FAT3: variants seen among roughly 807,000 people sequenced by gnomAD.
FAT3 encodes the protein protocadherin Fat 3.
Under a neutral mutation model 310.2 loss-of-function variants are expected in FAT3, and 95 were observed. That is an observed-to-expected ratio of 0.31 (90% CI 0.26 to 0.36). FAT3 has a LOEUF of 0.36. Among genes scored for constraint, FAT3 ranks in the 10% least tolerant of loss-of-function variants. The pLI, the probability that FAT3 is intolerant of heterozygous loss-of-function variation, is 1.00. For synonymous variants in FAT3, 2,314 were observed against 2,192.9 expected, an observed-to-expected ratio of 1.06 and a Z score of -1.54; for missense variants, 5,408 against 5,715.6, an observed-to-expected ratio of 0.95 and a Z score of 1.74.
chr11:92,495,469 T>C (rs935239511), intron 2 of FAT3, among the ~76,000 whole-genome samples: 1 of 152,252 alleles, frequency 6.6e-6, no homozygotes, highest in Admixed American at 6.5e-5. Flanking sequence ...TTTTTCACTA[T>C]GATTTTCATT....
chr11:92,683,154 C>A (rs559962873), intron 3 of FAT3, among the ~76,000 whole-genome samples: 2 of 149,680 alleles, frequency 1.3e-5, no homozygotes, highest in South Asian at 4.2e-4. Flanking sequence ...TACTTGCTTT[C>A]TAATGTGGTC....
intron 3 of FAT3, among the ~76,000 whole-genome samples, chr11:92,585,272 ACACTTTCTG>A (rs1939074856): frequency 6.6e-6 from 1 of 152,058 alleles, no homozygotes; most frequent in African/African-American, 2.4e-5. Flanking sequence ...ATTTAATTTT[ACACTTTCTG>A]TAGTTTGTAT....
At chr11:92,642,962 A>T (rs1046662081) in intron 3 of FAT3, among the ~76,000 whole-genome samples, 1 of 152,230 alleles carries the variant, frequency 6.6e-6, no homozygotes, top group Non-Finnish European at 1.5e-5. Context: ...TCATTCAATT[A>T]TCCTAGTGAC....
chr11:92,546,998 A>G (rs1954638274), intron 3 of FAT3, among the ~76,000 whole-genome samples: 1 of 152,202 alleles, frequency 6.6e-6, no homozygotes, highest in Non-Finnish European at 1.5e-5. Flanking sequence ...GACGATTCAC[A>G]TAATACGTAA....
At chr11:92,315,749 C>T (rs1443941436) in intron 1 of FAT3, among the ~76,000 whole-genome samples, 5 of 151,562 alleles carry the variant, frequency 3.3e-5, no homozygotes, top group South Asian at 2.1e-4. Flanking sequence ...GTCAAACTTC[C>T]GGTCTCAAGT....
At chr11:92,336,951 A>T (rs1591128515) in intron 1 of FAT3, among the ~76,000 whole-genome samples, 1 of 151,978 alleles carries the variant, frequency 6.6e-6, no homozygotes. Context: ...TGGGGCTTGG[A>T]CCCTCATTTT....
At chr11:92,691,402 CT>C (rs931971787) in intron 3 of FAT3, among the ~76,000 whole-genome samples, 7 of 151,234 alleles carry the variant, frequency 4.6e-5, no homozygotes, top group African/African-American at 1.2e-4. Flanking sequence ...TACGAGGTTT[CT>C]TTTTTTTTAA....
Position 92,354,986 on chromosome 11 carries a change from T to C in FAT3, c.2874T>C (p.Leu958=). The change falls in exon 2 of 28, where the codon CTT becomes CTC. Residue 958 remains leucine, a synonymous_variant. Transcript: ENST00000525166. ...DLPVGTVIAW[L]ETHDPDLGLG... is the part of the protein sequence containing the mutation. ...CTGTTGGCACTGTCATTGCTTGGCTTGAGACCCATGATCCAGATCTTGGAC... is the reference window on the plus strand; with the variant it reads ...CTGTTGGCACTGTCATTGCTTGGCTCGAGACCCATGATCCAGATCTTGGAC... 2.5e-6 allele frequency: 4 copies of C among 1,613,858 alleles called. No individual in the cohort carries two copies. Among genetic ancestry groups the C allele is most frequent in the Non-Finnish European group, 3.4e-6 (4 of 1,179,846 alleles).
intron 4 of FAT3, among the ~76,000 whole-genome samples, chr11:92,727,266 C>T (rs1945028246): frequency 6.6e-6 from 1 of 151,770 alleles, no homozygotes; most frequent in Non-Finnish European, 1.5e-5. Context: ...GCTGGATAAT[C>T]AAAGACTTAT....
intron 21 of FAT3, among the ~76,000 whole-genome samples, chr11:92,866,298 G>T (rs1370390836): frequency 1.3e-5 from 2 of 152,122 alleles, no homozygotes; most frequent in African/African-American, 4.8e-5. Flanking sequence ...TCACTCAGAT[G>T]ATCTCCTTGG....
At chr11:92,397,749 C>T (rs1427584197) in intron 2 of FAT3, among the ~76,000 whole-genome samples, 2 of 151,364 alleles carry the variant, frequency 1.3e-5, no homozygotes, top group Non-Finnish European at 2.9e-5. Flanking sequence ...TCTTCTCCTT[C>T]CCAGAATTTT....
chr11:92,477,874 G>A (rs1952089732), intron 2 of FAT3, among the ~76,000 whole-genome samples: 1 of 152,186 alleles, frequency 6.6e-6, no homozygotes, highest in Non-Finnish European at 1.5e-5. Flanking sequence ...AGAGTGTGCT[G>A]CAGGAGTTCT....
chr11:92,763,537 A>G (rs1263067671), intron 5 of FAT3, among the ~76,000 whole-genome samples: 2 of 152,118 alleles, frequency 1.3e-5, no homozygotes, highest in African/African-American at 2.4e-5. Flanking sequence ...CCTGTTCTCC[A>G]GAGAATCATC....
intron 1 of FAT3, among the ~76,000 whole-genome samples, chr11:92,340,111 C>CAAAAAA (rs56378818): frequency 1.0e-4 from 5 of 49,120 alleles, no homozygotes; most frequent in Admixed American, 2.4e-4. Flanking sequence ...GACTCCATCT[C>CAAAAAA]AAAAAAAAAA....
rs199692570 is a variant in FAT3, at chr11:92,882,868, G to A, written c.12412G>A (p.Val4138Met). ...YVGQYCGLRP[V>M]VVPNIQAGHS... ...GGGCCAGTACTGCGGGCTGCGCCCC[G>A]TGGTGGTACCCAATATCCAGGCTGG... The change falls in exon 24 of 28, where the codon GTG becomes ATG. Residue 4138 changes from valine to methionine, a missense_variant. Transcript: ENST00000525166. 1,839 of 1,612,308 alleles carry A rather than the reference G, an allele frequency of 1.1e-3. 12 individuals are homozygous for A. The highest frequency in any genetic ancestry group is 2.0e-3 in the Admixed American group (121 of 59,756).
chr11:92,410,679 G>A (rs1323341502), intron 2 of FAT3, among the ~76,000 whole-genome samples: 1 of 151,906 alleles, frequency 6.6e-6, no homozygotes, highest in Non-Finnish European at 1.5e-5. Flanking sequence ...GTGAGTTTAC[G>A]GAATAATTTT....
chr11:92,273,947 T>A (rs1251543197), intron 1 of FAT3, among the ~76,000 whole-genome samples: 1 of 152,170 alleles, frequency 6.6e-6, no homozygotes, highest in African/African-American at 2.4e-5. Flanking sequence ...GGTTTGTTTA[T>A]CAGCAGGTTG....
intron 22 of FAT3, among the ~76,000 whole-genome samples, chr11:92,871,337 G>A (rs1295982209): frequency 4.6e-5 from 7 of 152,144 alleles, no homozygotes; most frequent in African/African-American, 1.7e-4. Context: ...GCTACTCAAA[G>A]TGTTCCAGGG....
chr11:92,846,736 G>T (rs968608876), intron 19 of FAT3, among the ~76,000 whole-genome samples: 4 of 152,200 alleles, frequency 2.6e-5, no homozygotes, highest in Non-Finnish European at 4.4e-5. Context: ...AGAAGGTTTT[G>T]TGAGTCAGGC....
Sources: allele counts gnomAD v4.1 joint callset (sites outside exome capture counted in the v4.1 genomes callset), GRCh38; gene constraint gnomAD v4.1.1; transcripts MANE v1.5; gene names NCBI Gene and HGNC (gene_info 2026-07-23, HGNC 2026-07-21).